CDH13: variants seen among roughly 807,000 people sequenced by gnomAD.
The protein encoded by CDH13 is cadherin 13.
A neutral mutation model predicts 63.8 loss-of-function variants in CDH13; 24 were observed. The ratio of observed to expected loss-of-function variants is 0.38; its 90% CI spans 0.27 to 0.53. The LOEUF is 0.53. Among genes scored for constraint, CDH13 ranks in the 20% least tolerant of loss-of-function variants. The probability of loss-of-function intolerance (pLI) is 0.85; values close to 1 mark genes in which losing one functional copy is unlikely to be tolerated. For missense variants in CDH13, 1,049 were observed against 903.1 expected (o/e 1.16, Z -2.07); for synonymous variants, 503 against 355.3 (o/e 1.42, Z -4.67).
At chr16:82,908,675 A>G (rs1295789229) in intron 2 of CDH13, among the ~76,000 whole-genome samples, 1 of 152,194 alleles carries the variant, frequency 6.6e-6, no homozygotes, top group Non-Finnish European at 1.5e-5. Context: ...TTTCTCTCAC[A>G]TTTAGGTACA....
chr16:83,629,150 G>A (rs979913809), intron 8 of CDH13, among the ~76,000 whole-genome samples: 4 of 152,070 alleles, frequency 2.6e-5, no homozygotes, highest in East Asian at 3.9e-4. Flanking sequence ...GTTCTTATAC[G>A]AGAAACACCA....
chr16:83,441,274 A>C (rs989907694), intron 6 of CDH13, among the ~76,000 whole-genome samples: 1 of 152,210 alleles, frequency 6.6e-6, no homozygotes, highest in Non-Finnish European at 1.5e-5. Flanking sequence ...GTAATGAAAT[A>C]ATAAGAGTGA....
At chr16:83,431,455 G>C (rs72806358) in intron 6 of CDH13, among the ~76,000 whole-genome samples, 2,595 of 152,042 alleles carry the variant, frequency 0.017, 32 homozygotes, top group Non-Finnish European at 0.028. Context: ...AAATCATGGA[G>C]GTCTTTGTAG....
intron 4 of CDH13, among the ~76,000 whole-genome samples, chr16:83,200,200 G>A (rs992778343): frequency 3.3e-5 from 5 of 152,176 alleles, no homozygotes; most frequent in Non-Finnish European, 5.9e-5. Flanking sequence ...ATGAGGGTGT[G>A]AGCCTGGGCG....
intron 6 of CDH13, among the ~76,000 whole-genome samples, chr16:83,475,252 A>G (rs954113194): frequency 1.2e-4 from 18 of 152,216 alleles, no homozygotes; most frequent in African/African-American, 4.3e-4. Context: ...AGCTTGCCTT[A>G]GACACCAGGT....
At chr16:83,708,580 C>A (rs1011163031) in intron 10 of CDH13, among the ~76,000 whole-genome samples, 3 of 152,158 alleles carry the variant, frequency 2.0e-5, no homozygotes, top group African/African-American at 7.2e-5. Context: ...GGCTAAGTAA[C>A]GCCCACACCG....
chr16:83,043,029 G>T (rs4783307), intron 3 of CDH13, among the ~76,000 whole-genome samples: 70,415 of 152,006 alleles, frequency 0.46, 16,951 homozygotes, highest in African/African-American at 0.59. Context: ...GTCACCTAAA[G>T]TGGAGAAAAT....
chr16:83,629,519 C>T (rs567632561), intron 8 of CDH13, among the ~76,000 whole-genome samples: 2 of 152,184 alleles, frequency 1.3e-5, no homozygotes, highest in African/African-American at 4.8e-5. Flanking sequence ...CATCTCTCCA[C>T]TTTATTAAAA....
At chr16:83,466,651 G>A (rs1598086968) in intron 6 of CDH13, among the ~76,000 whole-genome samples, 5 of 152,164 alleles carry the variant, frequency 3.3e-5, no homozygotes, top group Admixed American at 3.3e-4. Flanking sequence ...GGAGTGGGGG[G>A]CTCAGATGTT....
intron 6 of CDH13, among the ~76,000 whole-genome samples, chr16:83,403,596 C>G (rs1271147118): frequency 2.0e-5 from 3 of 152,086 alleles, no homozygotes; most frequent in Non-Finnish European, 4.4e-5. Context: ...GCAGTCCACT[C>G]TGGGCGACAG....
At chr16:82,873,706 G>C (rs946079176) in intron 2 of CDH13, among the ~76,000 whole-genome samples, 1 of 152,164 alleles carries the variant, frequency 6.6e-6, no homozygotes, top group Non-Finnish European at 1.5e-5. Flanking sequence ...TAAAAAGTTG[G>C]TTGGTTTTAT....
intron 6 of CDH13, among the ~76,000 whole-genome samples, chr16:83,364,433 G>A (rs2091220805): frequency 1.3e-5 from 2 of 152,140 alleles, no homozygotes; most frequent in Admixed American, 1.3e-4. Context: ...AATAGATAAA[G>A]GAGTTCTCAT....
chr16:82,754,418 G>C (rs1319446054), intron 1 of CDH13, among the ~76,000 whole-genome samples: 2 of 152,180 alleles, frequency 1.3e-5, no homozygotes, highest in African/African-American at 4.8e-5. Context: ...AACTTTAGGA[G>C]AATAAAGTTA....
intron 4 of CDH13, among the ~76,000 whole-genome samples, chr16:83,216,074 T>C (rs1363754341): frequency 6.6e-6 from 1 of 151,804 alleles, no homozygotes; most frequent in African/African-American, 2.4e-5. Context: ...TGCAAAACTT[T>C]CCAGACTCTT....
chr16:83,090,657 C>G (rs930138660), intron 3 of CDH13, among the ~76,000 whole-genome samples: 3 of 152,002 alleles, frequency 2.0e-5, no homozygotes, highest in Non-Finnish European at 4.4e-5. Flanking sequence ...AGGCTCTGCA[C>G]TCTCGGTAAT....
chr16:83,756,510 C>A (rs113541810), intron 11 of CDH13, among the ~76,000 whole-genome samples: 34 of 152,324 alleles, frequency 2.2e-4, no homozygotes, highest in African/African-American at 7.5e-4. Flanking sequence ...TGCGGCCCAA[C>A]ACAAATTTTT....
At chr16:83,603,694 G>A (rs1278824030) in intron 8 of CDH13, among the ~76,000 whole-genome samples, 1 of 152,150 alleles carries the variant, frequency 6.6e-6, no homozygotes, top group Non-Finnish European at 1.5e-5. Flanking sequence ...GGTGGCTTGA[G>A]ACAGATGGAT....
chr16:82,762,038 C>G (rs12102437), intron 1 of CDH13, among the ~76,000 whole-genome samples: 8,038 of 152,218 alleles, frequency 0.053, 698 homozygotes, highest in African/African-American at 0.18. Context: ...TTTTTACAGA[C>G]TGTGTCAAGT....
chr16:82,665,258 C>G (rs181617590), intron 1 of CDH13, among the ~76,000 whole-genome samples: 2 of 152,276 alleles, frequency 1.3e-5, no homozygotes, highest in East Asian at 1.9e-4. Context: ...TCTAGTGTCT[C>G]TAAGTGCAAG....
Sources: gnomAD v4.1 joint callset for allele counts (sites outside exome capture counted in the v4.1 genomes callset) on GRCh38, gnomAD v4.1.1 for gene constraint, MANE v1.5 for transcripts, NCBI Gene and HGNC (gene_info 2026-07-23, HGNC 2026-07-21) for gene names.